The following HSDL2 variants were observed in gnomAD, a reference collection of about 807,000 sequenced individuals.
HSDL2 encodes hydroxysteroid dehydrogenase like 2.
A neutral mutation model predicts 46.3 loss-of-function variants in HSDL2; 27 were observed. The observed-to-expected ratio is 0.58, with a 90% CI of 0.43 to 0.80. The LOEUF is 0.80. Ranked by LOEUF, HSDL2 falls within the 30% of genes least tolerant of loss-of-function variation. HSDL2 has a pLI of 0.00. For synonymous variants in HSDL2, 153 were observed against 163.6 expected, an observed-to-expected ratio of 0.94 and a Z score of 0.50; for missense variants, 451 against 502.7, an observed-to-expected ratio of 0.90 and a Z score of 0.98.
At position 112,405,693 on chromosome 9, in the gene HSDL2, C is replaced by T; in HGVS notation, c.251C>T (p.Ala84Val). ...AGAGATGAACAGCAGATCAGTGCTG[C>T]AGTGGAGAAAGCCATCAAGAAATTT... ...DVRDEQQISA[A>V]VEKAIKKFGG... is the part of the protein sequence containing the mutation. The change falls in exon 3 of 11, where the codon GCA becomes GTA. Residue 84 changes from alanine to valine, a missense_variant. Physicochemically the swap from Ala to Val is moderately conservative, Grantham distance 64. Transcript: ENST00000398805. 2 of 1,611,588 alleles carry T rather than the reference C, an allele frequency of 1.2e-6. No individual in the cohort carries two copies. The highest frequency in any genetic ancestry group is 1.7e-6 in the Non-Finnish European group (2 of 1,178,600).
At chr9:112,454,574 G>A (rs1832969961) in intron 9 of HSDL2, among the ~76,000 whole-genome samples, 1 of 152,102 alleles carries the variant, frequency 6.6e-6, no homozygotes. Context: ...TGCTTAGAAG[G>A]GCATATGGAT....
Position 112,380,200 on chromosome 9 carries a change from G to T in HSDL2, c.17+20G>T. ...CACCGGGTAAGGGGGTAGGGGCGGC[G>T]CGGGGAGAGACCCTGTCGGGCGAAG... On this transcript the variant is annotated intron_variant, in intron 1 of 10. Transcript: ENST00000398805. 1 of 1,560,430 alleles carries T rather than the reference G, an allele frequency of 6.4e-7. No homozygotes were observed.
chr9:112,458,702 C>G (rs183265633), intron 9 of HSDL2, among the ~76,000 whole-genome samples: 47 of 152,166 alleles, frequency 3.1e-4, no homozygotes, highest in Admixed American at 7.2e-4. Context: ...TCATCACCTG[C>G]CGGGCACGGT....
intron 4 of HSDL2, among the ~76,000 whole-genome samples, chr9:112,415,232 G>A (rs1250957080): frequency 6.6e-6 from 1 of 152,156 alleles, no homozygotes; most frequent in Non-Finnish European, 1.5e-5. Context: ...GGAATGTAAT[G>A]AGAGTTATAT....
chr9:112,469,550 C>T (rs1466484915), intron 10 of HSDL2, among the ~76,000 whole-genome samples: 1 of 150,862 alleles, frequency 6.6e-6, no homozygotes, highest in Non-Finnish European at 1.5e-5. Flanking sequence ...TGTAGTCCAG[C>T]TACTCAGGAG....
intron 6 of HSDL2, among the ~76,000 whole-genome samples, chr9:112,435,909 T>TA (rs1454654568): frequency 1.3e-5 from 2 of 151,968 alleles, no homozygotes; most frequent in East Asian, 1.9e-4. Flanking sequence ...CTATTTTTTT[T>TA]TTATTATTAA....
chr9:112,441,860 C>T, intron 8 of HSDL2, 90 bp downstream of exon 8: 2 of 788,164 alleles, frequency 2.5e-6, no homozygotes, highest in South Asian at 3.4e-5. Flanking sequence ...ATAACAGTGA[C>T]ATTTCTGCCT....
intron 1 of HSDL2, among the ~76,000 whole-genome samples, chr9:112,398,837 T>C (rs889497920): frequency 1.1e-4 from 17 of 152,184 alleles, no homozygotes; most frequent in African/African-American, 1.2e-4. Flanking sequence ...CTGCCCTGAA[T>C]AGGATGTCCA....
intron 8 of HSDL2, among the ~76,000 whole-genome samples, chr9:112,445,710 G>A (rs1435584459): frequency 2.6e-5 from 4 of 152,056 alleles, no homozygotes; most frequent in African/African-American, 4.8e-5. Flanking sequence ...TTTTAGTAGA[G>A]ATGGGGTTTC....
chr9:112,446,821 G>C (rs928688669), intron 8 of HSDL2, among the ~76,000 whole-genome samples: 2 of 152,188 alleles, frequency 1.3e-5, no homozygotes, highest in Non-Finnish European at 2.9e-5. Context: ...AACTGGATTT[G>C]AAAGATGAGG....
chr9:112,463,951 G>A lies in HSDL2; in HGVS notation c.1144+4374G>A, dbSNP rs182442471. Among the ~76,000 whole-genome samples the A allele has an allele frequency of 2.7e-3, 409 of 152,072 alleles. 2 individuals carry two copies. The highest frequency in any genetic ancestry group is 9.3e-3 in the African/African-American group (387 of 41,516). On this transcript the variant is annotated intron_variant, in intron 10 of 10. Coordinates refer to ENST00000398805, the MANE Select transcript of HSDL2 (RefSeq NM_032303.5). ...GCTGGGATTATAGGCATGAGCCACCGTGCCCAGCCTCGTGTGGTTTTAATT... is the reference window on the plus strand; with the variant it reads ...GCTGGGATTATAGGCATGAGCCACCATGCCCAGCCTCGTGTGGTTTTAATT...
chr9:112,423,468 C>A (rs1472372483), intron 6 of HSDL2, among the ~76,000 whole-genome samples: 1 of 151,514 alleles, frequency 6.6e-6, no homozygotes, highest in Admixed American at 6.6e-5. Flanking sequence ...TGCCACCATG[C>A]CCAGCAAATT....
chr9:112,470,768 A>G lies in HSDL2; in HGVS notation c.*224A>G, dbSNP rs1340696450. Reference sequence around the variant, plus strand: ...GGATTCTAAGACAGTCTGTGTTTTTATATTTCAAGGGTTTAACCCTTTGAG... The same window carrying G: ...GGATTCTAAGACAGTCTGTGTTTTTGTATTTCAAGGGTTTAACCCTTTGAG... On this transcript the variant is annotated 3_prime_UTR_variant, in exon 11 of 11. Coordinates refer to ENST00000398805, the MANE Select transcript of HSDL2 (RefSeq NM_032303.5). The G allele has an allele frequency of 2.9e-6, 1 of 343,844 alleles. No individual in the cohort carries two copies. The highest frequency in any genetic ancestry group is 2.1e-5 in the African/African-American group (1 of 46,536). The allele number at this position is 343,844 out of a possible 1,614,324, so 21.3% of individuals were successfully genotyped here. A position where few individuals can be genotyped will look rare whatever the true frequency, so the allele number is the denominator to read the frequency against.
At chr9:112,419,253 C>T (rs1832066143) in intron 6 of HSDL2, among the ~76,000 whole-genome samples, 1 of 152,168 alleles carries the variant, frequency 6.6e-6, no homozygotes, top group Admixed American at 6.6e-5. Context: ...ATCCTCCCAC[C>T]TTGGCCTCCC....
At position 112,437,082 on chromosome 9, in the gene HSDL2, C is replaced by T. The variant is rs1832544541; in HGVS notation, c.599-1349C>T. ...TCAAGCAATTCTCCTACCTCTGCCTCCCAAGTAGCTGGGACTACAGGCGCT... is the reference window on the plus strand; with the variant it reads ...TCAAGCAATTCTCCTACCTCTGCCTTCCAAGTAGCTGGGACTACAGGCGCT... On this transcript the variant is annotated intron_variant, in intron 6 of 10. Transcript: ENST00000398805. Among the ~76,000 whole-genome samples, 8 of 151,442 alleles carry T rather than the reference C, an allele frequency of 5.3e-5. No homozygotes were observed. In the South Asian group the frequency reaches 1.7e-3, roughly 31 times the overall value.
At chr9:112,392,992 C>T (rs1157921430) in intron 1 of HSDL2, among the ~76,000 whole-genome samples, 1 of 152,162 alleles carries the variant, frequency 6.6e-6, no homozygotes, top group Non-Finnish European at 1.5e-5. Flanking sequence ...CCTGTAACAT[C>T]TCTCCCTTTC....
chr9:112,423,533 C>T (rs1425621117), intron 6 of HSDL2, among the ~76,000 whole-genome samples: 3 of 151,986 alleles, frequency 2.0e-5, no homozygotes, highest in African/African-American at 7.3e-5. Context: ...AGGTCCCAAA[C>T]TCCTGACCTC....
At chr9:112,396,226 G>A (rs964601307) in intron 1 of HSDL2, among the ~76,000 whole-genome samples, 8 of 152,100 alleles carry the variant, frequency 5.3e-5, no homozygotes, top group Non-Finnish European at 8.8e-5. Flanking sequence ...TGACCATCAG[G>A]GCTAGTGCAA....
At chr9:112,458,103 G>GT (rs10603358) in intron 9 of HSDL2, among the ~76,000 whole-genome samples, 1 of 151,114 alleles carries the variant, frequency 6.6e-6, no homozygotes. Flanking sequence ...TAGTGCCACT[G>GT]TTTTTTTTTT....
Sources: gnomAD v4.1 joint callset for allele counts (sites outside exome capture counted in the v4.1 genomes callset) on GRCh38, gnomAD v4.1.1 for gene constraint, MANE v1.5 for transcripts, NCBI Gene and HGNC (gene_info 2026-07-23, HGNC 2026-07-21) for gene names.